The following AIFM1 variants were observed in gnomAD, a reference collection of about 807,000 sequenced individuals.
The protein encoded by AIFM1 is apoptosis inducing factor mitochondria associated 1.
A neutral mutation model predicts 51.7 loss-of-function variants in AIFM1; 3 were observed. The ratio of observed to expected loss-of-function variants is 0.06; its 90% CI spans 0.03 to 0.15. AIFM1 has a LOEUF of 0.15. Among genes scored for constraint, AIFM1 ranks in the 10% least tolerant of loss-of-function variants. The probability of loss-of-function intolerance (pLI) is 1.00; values close to 1 mark genes in which losing one functional copy is unlikely to be tolerated. For synonymous variants in AIFM1, 178 were observed against 179.4 expected, an observed-to-expected ratio of 0.99 and a Z score of 0.06; for missense variants, 330 against 476.8, an observed-to-expected ratio of 0.69 and a Z score of 2.87.
intron 2 of AIFM1, among the ~76,000 whole-genome samples, chrX:130,150,376 C>A (rs1217474851): frequency 2.5e-5 from 2 of 79,056 alleles, no homozygotes; most frequent in Non-Finnish European, 4.5e-5. Context: ...CGCTCTGTTG[C>A]CCAGGCTGGA....
At chrX:130,145,181 G>A (rs769966814) in intron 6 of AIFM1, among the ~76,000 whole-genome samples, 2 of 111,707 alleles carry the variant, frequency 1.8e-5, no homozygotes, top group African/African-American at 3.3e-5. Flanking sequence ...TTTTCTCATC[G>A]ATAATCCCAG....
At chrX:130,163,219 A>T (rs2031408583) in intron 1 of AIFM1, among the ~76,000 whole-genome samples, 1 of 107,265 alleles carries the variant, frequency 9.3e-6, no homozygotes, top group Non-Finnish European at 1.9e-5. Flanking sequence ...CTGACGCAGG[A>T]GAATTGCTTG....
intron 1 of AIFM1, among the ~76,000 whole-genome samples, chrX:130,164,987 T>C (rs773066438): frequency 9.2e-6 from 1 of 108,876 alleles, no homozygotes; most frequent in African/African-American, 3.4e-5. Flanking sequence ...CACCAAGAAG[T>C]ACACGGCTCA....
intron 14 of AIFM1, among the ~76,000 whole-genome samples, chrX:130,130,501 A>G (rs1200757837): frequency 6.2e-5 from 7 of 112,481 alleles, no homozygotes; most frequent in African/African-American, 2.3e-4. Context: ...CTTGTCCTCT[A>G]AGAAATAATT....
At chrX:130,155,936 A>C (rs1258651831) in intron 2 of AIFM1, among the ~76,000 whole-genome samples, 1 of 112,458 alleles carries the variant, frequency 8.9e-6, no homozygotes, top group Non-Finnish European at 1.9e-5. Flanking sequence ...CTCCATTCTA[A>C]AATCAGTGAT....
chrX:130,138,444 G>A, intron 9 of AIFM1, 149 bp downstream of exon 9: 2 of 473,640 alleles, frequency 4.2e-6, no homozygotes, highest in East Asian at 3.9e-5. Context: ...CAGCCTGGGT[G>A]ACAGAGCGAG....
rs2031129534 is a variant in AIFM1, at chrX:130,155,323, G to A, written c.249+1138C>T. 2.5e-6 allele frequency: 3 copies of A among 1,194,089 alleles called. No homozygotes were observed. The African/African-American group carries it at 5.2e-5, about 21-fold the overall frequency. On this transcript the variant is annotated intron_variant, in intron 2 of 15. Coordinates refer to ENST00000287295, the MANE Select transcript of AIFM1 (RefSeq NM_004208.4). ...GATAAGGCCAAGAGAGAAACAAAAG[G>A]AAACAGAGTACTAAGTATTAATGAA...
intron 2 of AIFM1, among the ~76,000 whole-genome samples, chrX:130,152,100 A>G (rs1250421041): frequency 9.0e-6 from 1 of 110,724 alleles, no homozygotes; most frequent in Admixed American, 9.7e-5. Context: ...AGGGAAGAGA[A>G]GAGAAGAGAA....
chrX:130,164,410 A>G (rs187790812), intron 1 of AIFM1, among the ~76,000 whole-genome samples: 1 of 112,795 alleles, frequency 8.9e-6, no homozygotes, highest in East Asian at 2.8e-4. Context: ...CACATTTGCA[A>G]AGACCCTAAC....
intron 9 of AIFM1, chrX:130,137,482 G>A (rs1381105731): frequency 3.4e-6 from 4 of 1,165,614 alleles, no homozygotes. Context: ...TGCAACCTCT[G>A]AATAGGAAGC....
intron 12 of AIFM1, 141 bp downstream of exon 12, chrX:130,135,904 A>G: frequency 1.2e-6 from 1 of 830,936 alleles, no homozygotes; most frequent in Non-Finnish European, 1.8e-6. Context: ...CAGTTCACAC[A>G]TTTCTATTCT....
intron 6 of AIFM1, among the ~76,000 whole-genome samples, chrX:130,144,790 C>T (rs1426829951): frequency 1.8e-5 from 2 of 112,494 alleles, no homozygotes; most frequent in Non-Finnish European, 3.8e-5. Flanking sequence ...GTTGTTTACA[C>T]ATAGGGGACA....
chrX:130,149,481 C>T lies in AIFM1; in HGVS notation c.337G>A (p.Ala113Thr). Reference sequence around the variant, plus strand: ...AGGGAATACTCACCAGATAACGCGGCCTTTTTCTGTTTCTGTTCTGGTGTC... The same window carrying T: ...AGGGAATACTCACCAGATAACGCGGTCTTTTTCTGTTTCTGTTCTGGTGTC... Reference protein sequence around the residue: ...GLTPEQKQKKAALSASEGEEV... With the variant: ...GLTPEQKQKKTALSASEGEEV... Residue 113 changes from alanine to threonine, a missense_variant, in exon 3 of 16, where the codon GCC becomes ACC. By Grantham distance (58) the Ala-to-Thr change is moderately conservative (BLOSUM62 0). Around this residue, in one of 4 missense-constraint regions of AIFM1, gnomAD observed 110 missense variants for 103.1 expected, o/e 1.07. Coordinates refer to ENST00000287295, the MANE Select transcript of AIFM1 (RefSeq NM_004208.4). 8.3e-7 allele frequency: 1 copy of T among 1,208,397 alleles called. No individual in the cohort carries two copies. The highest frequency in any genetic ancestry group is 1.7e-5 in the African/African-American group (1 of 57,733).
At chrX:130,152,511 G>A (rs1213070364) in intron 2 of AIFM1, among the ~76,000 whole-genome samples, 1 of 112,094 alleles carries the variant, frequency 8.9e-6, no homozygotes, top group East Asian at 2.8e-4. Context: ...CTAAACAGAT[G>A]AATATGGTGG....
At chrX:130,150,587 G>A (rs1306865085) in intron 2 of AIFM1, among the ~76,000 whole-genome samples, 4 of 105,408 alleles carry the variant, frequency 3.8e-5, no homozygotes, top group African/African-American at 1.4e-4. Context: ...TGCCCGCCTC[G>A]GCCTCCCAAA....
At chrX:130,142,730 C>T (rs2030622421) in intron 6 of AIFM1, among the ~76,000 whole-genome samples, 1 of 111,606 alleles carries the variant, frequency 9.0e-6, no homozygotes, top group South Asian at 3.8e-4. Flanking sequence ...ACTGCAACCT[C>T]CGCCTCCTGG....
At chrX:130,160,883 A>AAAATAAAT (rs754564979) in intron 1 of AIFM1, among the ~76,000 whole-genome samples, 1,627 of 107,045 alleles carry the variant, frequency 0.015, 33 homozygotes, top group African/African-American at 0.05. Flanking sequence ...TCTCTACTTA[A>AAAATAAAT]AAATAAATAA....
At chrX:130,142,229 G>A (rs971579926) in intron 6 of AIFM1, among the ~76,000 whole-genome samples, 2 of 111,638 alleles carry the variant, frequency 1.8e-5, no homozygotes, top group Non-Finnish European at 1.9e-5. Context: ...CATATGACAT[G>A]TGCAATCTAG....
rs145943366 is a variant in AIFM1, at chrX:130,147,876, G to A, written c.350C>T (p.Ala117Val). The change falls in exon 4 of 16, where the codon GCT becomes GTT. Residue 117 changes from alanine to valine, a missense_variant and splice_region_variant. Transcript: ENST00000287295. ...TTGAGGAACTTCCTCTCCTTCTGAA[G>A]CTGAAAGCAACAGAACAGACTGGAT... ...EQKQKKAALSASEGEEVPQDK... is the reference protein window; with the variant it reads ...EQKQKKAALSVSEGEEVPQDK... 6.6e-6 allele frequency: 8 copies of A among 1,209,978 alleles called. No homozygotes were observed. Among genetic ancestry groups the A allele is most frequent in the Non-Finnish European group, 8.9e-6 (8 of 895,245 alleles).
Sources: allele counts gnomAD v4.1 joint callset (sites outside exome capture counted in the v4.1 genomes callset), GRCh38; gene constraint gnomAD v4.1.1; regional missense constraint gnomAD v4.1.1; transcripts MANE v1.5; gene names NCBI Gene and HGNC (gene_info 2026-07-23, HGNC 2026-07-21).